KTN1: variants seen among roughly 807,000 people sequenced by gnomAD.
KTN1 encodes the protein kinectin 1.
KTN1 carries 130 observed loss-of-function variants against 222.5 expected under a neutral mutation model. The observed-to-expected ratio is 0.58, with a 90% confidence interval of 0.51 to 0.68. KTN1 has a LOEUF of 0.68. Ranked by LOEUF, KTN1 falls within the 30% of genes least tolerant of loss-of-function variation. The pLI, the probability that KTN1 is intolerant of heterozygous loss-of-function variation, is 0.00. For missense variants in KTN1, 1,508 were observed against 1,500.4 expected, an observed-to-expected ratio of 1.01 and a Z score of -0.08; for synonymous variants, 512 against 496.3, an observed-to-expected ratio of 1.03 and a Z score of -0.42.
At chr14:55,660,607 G>A (rs768154508) in intron 31 of KTN1, among the ~76,000 whole-genome samples, 5 of 151,762 alleles carry the variant, frequency 3.3e-5, no homozygotes, top group Admixed American at 6.6e-5. Context: ...ATCTTGGTTG[G>A]TTTACAGAGT....
chr14:55,661,949 C>T (rs879281250), intron 32 of KTN1: 6 of 166,978 alleles, frequency 3.6e-5, no homozygotes, highest in Non-Finnish European at 7.6e-5. Context: ...ATTTTAAAAT[C>T]AAAGATATTT....
At chr14:55,581,568 A>G (rs1269184287) in intron 1 of KTN1, among the ~76,000 whole-genome samples, 3 of 152,202 alleles carry the variant, frequency 2.0e-5, no homozygotes. Flanking sequence ...GCCTTGAGAA[A>G]TGTAGACACT....
chr14:55,618,069 A>G lies in KTN1; in HGVS notation c.767A>G (p.Lys256Arg), dbSNP rs372749909. The stretch of plus-strand genomic sequence containing the variant: ...AAGAGAGAGGTTATTGATTTGCTTA[A>G]ACCTGACCAAGTAGAAGGGATCCAG... ...VDKREVIDLL[K>R]PDQVEGIQKS... Residue 256 changes from lysine to arginine, a missense_variant, in exon 4 of 44, where the codon AAA becomes AGA. Lys to Arg is a conservative substitution (Grantham distance 26, BLOSUM62 2). Transcript: ENST00000395314. The G allele has an allele frequency of 1.2e-5, 20 of 1,613,104 alleles. No homozygotes were observed. The highest frequency in any genetic ancestry group is 1.6e-4 in the Middle Eastern group (1 of 6,076).
In KTN1 at chr14:55,670,774, T is replaced by C. The variant is rs1231083964; in HGVS notation, c.3313T>C (p.Cys1105Arg). The C allele has an allele frequency of 1.2e-6, 2 of 1,610,972 alleles. No individual in the cohort carries two copies. Among genetic ancestry groups the C allele is most frequent in the South Asian group, 2.2e-5 (2 of 90,802 alleles). Residue 1105 changes from cysteine to arginine, a missense_variant, in exon 35 of 44, where the codon TGT (cysteine) becomes CGT (arginine). By Grantham distance (180) the Cys-to-Arg change is radical. Coordinates refer to ENST00000395314, the MANE Select transcript of KTN1 (RefSeq NM_001079521.2). ...LHGFEKKAKE[C>R]MAGTSGSEEV... is the part of the protein sequence containing the mutation. Reference sequence around the variant, plus strand: ...TGGATTTGAAAAAAAGGCAAAAGAATGTATGGCTGGAACTTCAGGGTCAGA... The same window carrying C: ...TGGATTTGAAAAAAAGGCAAAAGAACGTATGGCTGGAACTTCAGGGTCAGA...
intron 11 of KTN1, 90 bp downstream of exon 11, chr14:55,637,454 A>T: frequency 2.2e-6 from 2 of 891,458 alleles, no homozygotes; most frequent in Non-Finnish European, 3.3e-6. Context: ...AGTCTACCTT[A>T]TCCTAATTCT....
At chr14:55,589,538 G>A (rs1181044242) in intron 1 of KTN1, among the ~76,000 whole-genome samples, 4 of 151,926 alleles carry the variant, frequency 2.6e-5, no homozygotes, top group Admixed American at 6.6e-5. Context: ...TCGAACTCCT[G>A]AAATCAAGTG....
intron 23 of KTN1, 63 bp from the exon 24 acceptor site, chr14:55,650,506 T>A: frequency 1.3e-6 from 2 of 1,515,246 alleles, no homozygotes; most frequent in South Asian, 2.3e-5. Context: ...TGTCTGTGCA[T>A]TGCATTTTAT....
At chr14:55,668,820 G>A (rs2045146635) in intron 34 of KTN1, 1 of 152,006 alleles carries the variant, frequency 6.6e-6, no homozygotes, top group African/African-American at 2.4e-5. Flanking sequence ...AAACTTAATG[G>A]CTTGTTCTAT....
chr14:55,631,493 TAA>T (rs1594961167), intron 7 of KTN1, among the ~76,000 whole-genome samples: 1 of 151,966 alleles, frequency 6.6e-6, no homozygotes, highest in African/African-American at 2.4e-5. Flanking sequence ...TCTGAAATCT[TAA>T]AGACACTTTA....
At position 55,653,689 on chromosome 14, in the gene KTN1, T is replaced by A. The variant is rs571654628; in HGVS notation, c.2801+93T>A. On this transcript the variant is annotated intron_variant, in intron 28 of 43. Transcript: ENST00000395314. ...AATATAATGATGAGTTTCCTGTACA[T>A]CATTAACTTTATTGTTAAGTGGAAA... 1,112 of 874,308 alleles carry A rather than the reference T, an allele frequency of 1.3e-3. 3 individuals carry two copies. Among genetic ancestry groups the A allele is most frequent in the Non-Finnish European group, 2.0e-3 (1,054 of 538,788 alleles). 54.2% of individuals were successfully genotyped at this position (874,308 alleles called of 1,614,324 possible). A position where few individuals can be genotyped will look rare whatever the true frequency, so the allele number is the denominator to read the frequency against.
chr14:55,647,595 T>G (rs2042498060), intron 19 of KTN1, among the ~76,000 whole-genome samples: 2 of 126,066 alleles, frequency 1.6e-5, no homozygotes, highest in Non-Finnish European at 3.1e-5. Context: ...ATCATGCCAT[T>G]GCACTCCAGC....
intron 25 of KTN1, among the ~76,000 whole-genome samples, chr14:55,652,527 T>C (rs2043026601): frequency 6.6e-6 from 1 of 151,222 alleles, no homozygotes; most frequent in Non-Finnish European, 1.5e-5. Context: ...GCCTCCCGAG[T>C]AGCTGGGACT....
intron 29 of KTN1, 182 bp downstream of exon 29, chr14:55,656,314 G>A (rs1306298565): frequency 3.8e-6 from 2 of 524,788 alleles, no homozygotes; most frequent in African/African-American, 3.9e-5. Flanking sequence ...GTGTATGTAT[G>A]TATACTTGTT....
intron 32 of KTN1, chr14:55,661,838 T>C: frequency 3.2e-6 from 1 of 316,714 alleles, no homozygotes; most frequent in African/African-American, 2.1e-5. Flanking sequence ...ATTTAAATGT[T>C]GAAGCTATAA....
chr14:55,620,056 G>A (rs1292816665), intron 5 of KTN1, among the ~76,000 whole-genome samples: 1 of 152,138 alleles, frequency 6.6e-6, no homozygotes, highest in Non-Finnish European at 1.5e-5. Context: ...CACTCCAAAT[G>A]GGAGAAATTG....
In KTN1 at chr14:55,656,029, T is replaced by TA. The variant is rs2043431466; in HGVS notation, c.2802-7dup. On this transcript the variant is annotated splice_polypyrimidine_tract_variant and intron_variant, in intron 28 of 43. Coordinates refer to ENST00000395314, the MANE Select transcript of KTN1 (RefSeq NM_001079521.2). ...GTACTTTAGTTAATGCAGATCTTTGTAAAAAATTCTAGGTTGAAAGAAAAG... is the reference window on the plus strand; with the variant it reads ...GTACTTTAGTTAATGCAGATCTTTGTAAAAAAATTCTAGGTTGAAAGAAAAG... 3.9e-6 allele frequency: 6 copies of TA among 1,539,516 alleles called. No individual in the cohort carries two copies. The African/African-American group carries it at 4.1e-5, about 11-fold the overall frequency.
In KTN1 at chr14:55,616,774, A is replaced by C. The variant is rs17128634; in HGVS notation, c.661+120A>C. 3,205 of 738,850 alleles carry C rather than the reference A, an allele frequency of 4.3e-3. 72 individuals carry two copies. In the African/African-American group the frequency reaches 0.051, roughly 12 times the overall value. 45.8% of individuals were successfully genotyped at this position (738,850 alleles called of 1,614,324 possible). ...TTTAATGTGTGCTAATGACAACTGTAATACTAATGCAGGTCTAAAATTATC... is the reference window on the plus strand; with the variant it reads ...TTTAATGTGTGCTAATGACAACTGTCATACTAATGCAGGTCTAAAATTATC... On this transcript the variant is annotated intron_variant, in intron 3 of 43. Transcript: ENST00000395314.
At chr14:55,652,760 C>A (rs190079874) in intron 25 of KTN1, 90 bp from the exon 26 acceptor site, 2 of 812,916 alleles carry the variant, frequency 2.5e-6, no homozygotes, top group South Asian at 1.7e-5. Context: ...GTGAGTACTA[C>A]CCAAAATATA....
intron 8 of KTN1, 37 bp downstream of exon 8, chr14:55,633,378 C>A: frequency 1.7e-6 from 2 of 1,211,184 alleles, no homozygotes; most frequent in Non-Finnish European, 2.3e-6. Context: ...AATTGAATGG[C>A]AGAGTATTTT....
Sources: gnomAD v4.1 joint callset for allele counts (sites outside exome capture counted in the v4.1 genomes callset) on GRCh38, gnomAD v4.1.1 for gene constraint, MANE v1.5 for transcripts, NCBI Gene and HGNC (gene_info 2026-07-23, HGNC 2026-07-21) for gene names.